CELF4: variants seen among roughly 807,000 people sequenced by gnomAD.
CELF4 encodes the protein CUGBP Elav-like family member 4.
CELF4 carries 18 observed loss-of-function variants against 59.9 expected under a neutral mutation model. The observed-to-expected ratio is 0.30, with a 90% CI of 0.21 to 0.45. The LOEUF is 0.45. CELF4 is among the 20% of genes least tolerant of loss of function. The pLI, the probability that CELF4 is intolerant of heterozygous loss-of-function variation, is 1.00. For synonymous variants in CELF4, 261 were observed against 267.1 expected, an observed-to-expected ratio of 0.98 and a Z score of 0.22; for missense variants, 456 against 689.0, an observed-to-expected ratio of 0.66 and a Z score of 3.79.
chr18:37,450,032 A>G (rs1254299274), intron 2 of CELF4, among the ~76,000 whole-genome samples: 1 of 152,154 alleles, frequency 6.6e-6, no homozygotes, highest in East Asian at 1.9e-4. Flanking sequence ...GTTTTCCCAG[A>G]GCCCAGAAGT....
At chr18:37,281,536 G>A (rs1310926081) in intron 3 of CELF4, among the ~76,000 whole-genome samples, 1 of 152,212 alleles carries the variant, frequency 6.6e-6, no homozygotes, top group Non-Finnish European at 1.5e-5. Context: ...ACCAGGGTGG[G>A]GAGTACATGG....
intron 1 of CELF4, among the ~76,000 whole-genome samples, chr18:37,498,077 C>T (rs1487193949): frequency 1.3e-5 from 2 of 152,104 alleles, no homozygotes; most frequent in Admixed American, 6.5e-5. Flanking sequence ...TGCAGGGACA[C>T]CTGAGTGAAT....
chr18:37,506,403 GC>G (rs2099938050), intron 1 of CELF4, among the ~76,000 whole-genome samples: 1 of 152,186 alleles, frequency 6.6e-6, no homozygotes, highest in South Asian at 2.1e-4. Flanking sequence ...AAGCCCATGG[GC>G]TATCACAGGA....
intron 1 of CELF4, among the ~76,000 whole-genome samples, chr18:37,544,712 T>C (rs544656370): frequency 7.2e-5 from 11 of 152,338 alleles, no homozygotes; most frequent in African/African-American, 2.2e-4. Flanking sequence ...ATGTCTGTTA[T>C]GACAGTTATA....
chr18:37,387,456 G>C (rs1043701504), intron 2 of CELF4, among the ~76,000 whole-genome samples: 4 of 152,306 alleles, frequency 2.6e-5, no homozygotes, highest in Middle Eastern at 6.8e-3. Context: ...CTCACGGGAG[G>C]CTGTTGTTCA....
chr18:37,351,605 C>T (rs2098441945), intron 2 of CELF4, among the ~76,000 whole-genome samples: 1 of 105,382 alleles, frequency 9.5e-6, no homozygotes, highest in Non-Finnish European at 1.9e-5. Context: ...TCTTTTTCTT[C>T]TTCTTCTTTT....
At chr18:37,436,971 T>G (rs1343929415) in intron 2 of CELF4, among the ~76,000 whole-genome samples, 1 of 152,182 alleles carries the variant, frequency 6.6e-6, no homozygotes, top group Non-Finnish European at 1.5e-5. Context: ...GAATATTAGC[T>G]CATTGTCTTA....
At chr18:37,452,178 G>T (rs923623833) in intron 2 of CELF4, among the ~76,000 whole-genome samples, 1 of 152,220 alleles carries the variant, frequency 6.6e-6, no homozygotes, top group Non-Finnish European at 1.5e-5. Context: ...CCTGAGCCAC[G>T]CTTGGTAATG....
chr18:37,357,877 C>G (rs1032536305), intron 2 of CELF4, among the ~76,000 whole-genome samples: 12 of 152,142 alleles, frequency 7.9e-5, no homozygotes, highest in African/African-American at 2.9e-4. Context: ...GCCTTTAGCA[C>G]TTTTGTTTTG....
At position 37,243,186 on chromosome 18, in the gene CELF4, C is replaced by CTTTTTTTTTTTTTTTTTTTTTT. The variant is rs561464294; in HGVS notation, c.*2055_*2056insAAAAAAAAAAAAAAAAAAAAAA. On this transcript the variant is annotated 3_prime_UTR_variant, in exon 13 of 13. Transcript: ENST00000420428. ...TGTTTTCTTTTTTTTTTCTTTTTTT[C>CTTTTTTTTTTTTTTTTTTTTTT]TTTTTTTTTTTTTTTTTTTTACATC... The CTTTTTTTTTTTTTTTTTTTTTT allele has an allele frequency of 8.4e-4, 84 of 100,550 alleles. No individual in the cohort carries two copies. Among genetic ancestry groups the CTTTTTTTTTTTTTTTTTTTTTT allele is most frequent in the Non-Finnish European group, 1.1e-3 (60 of 52,188 alleles). The allele number at this position is 100,550 out of a possible 1,614,324, so 6.2% of individuals were successfully genotyped here.
chr18:37,501,977 G>A (rs2099932346), intron 1 of CELF4, among the ~76,000 whole-genome samples: 1 of 152,176 alleles, frequency 6.6e-6, no homozygotes, highest in African/African-American at 2.4e-5. Flanking sequence ...ATGGGGCTAA[G>A]GGAGAACCAG....
intron 1 of CELF4, among the ~76,000 whole-genome samples, chr18:37,563,209 G>A (rs1603644297): frequency 6.6e-6 from 1 of 152,006 alleles, no homozygotes; most frequent in East Asian, 1.9e-4. Flanking sequence ...CAGCAACAAA[G>A]TGATGATATC....
At chr18:37,256,130 T>C (rs953573371) in intron 11 of CELF4, among the ~76,000 whole-genome samples, 1 of 152,196 alleles carries the variant, frequency 6.6e-6, no homozygotes, top group African/African-American at 2.4e-5. Context: ...TCCAGGACCG[T>C]CTTCCTTCTT....
At chr18:37,405,900 G>T (rs760132501) in intron 2 of CELF4, among the ~76,000 whole-genome samples, 59 of 152,034 alleles carry the variant, frequency 3.9e-4, no homozygotes, top group Non-Finnish European at 7.6e-4. Flanking sequence ...CCTCCAGCCG[G>T]GAGTGGAAAA....
chr18:37,381,144 A>ATCCT (rs2099035696), intron 2 of CELF4, among the ~76,000 whole-genome samples: 3 of 152,074 alleles, frequency 2.0e-5, no homozygotes, highest in Non-Finnish European at 4.4e-5. Context: ...CCATCCATCC[A>ATCCT]TCCATCCATC....
At chr18:37,414,742 C>T (rs916219706) in intron 2 of CELF4, among the ~76,000 whole-genome samples, 1 of 152,004 alleles carries the variant, frequency 6.6e-6, no homozygotes. Flanking sequence ...CGTGATCCAC[C>T]CACCTCGGCC....
chr18:37,441,877 T>C (rs903327681), intron 2 of CELF4, among the ~76,000 whole-genome samples: 23 of 152,162 alleles, frequency 1.5e-4, no homozygotes, highest in African/African-American at 5.5e-4. Flanking sequence ...AGAACTCCCC[T>C]GAATCTCCAC....
At chr18:37,419,098 G>A (rs1815203867) in intron 2 of CELF4, among the ~76,000 whole-genome samples, 1 of 152,176 alleles carries the variant, frequency 6.6e-6, no homozygotes, top group Non-Finnish European at 1.5e-5. Flanking sequence ...TTCCTCAAGA[G>A]TGGGGCACTG....
At chr18:37,483,787 G>T (rs992391884) in intron 2 of CELF4, among the ~76,000 whole-genome samples, 1 of 152,186 alleles carries the variant, frequency 6.6e-6, no homozygotes, top group African/African-American at 2.4e-5. Flanking sequence ...GATATTGATT[G>T]CTTCTGAGAA....
Sources: allele counts gnomAD v4.1 joint callset (sites outside exome capture counted in the v4.1 genomes callset), GRCh38; gene constraint gnomAD v4.1.1; transcripts MANE v1.5; gene names NCBI Gene and HGNC (gene_info 2026-07-23, HGNC 2026-07-21).